The following ADAM23 variants were observed in gnomAD, a reference collection of about 807,000 sequenced individuals.
ADAM23 encodes ADAM metallopeptidase domain 23, also known as disintegrin and metalloproteinase domain-containing protein 23.
ADAM23 carries 33 observed loss-of-function variants against 120.1 expected under a neutral mutation model. That is an observed-to-expected ratio of 0.27 (90% CI 0.21 to 0.37). The LOEUF is 0.37. Among genes scored for constraint, ADAM23 ranks in the 10% least tolerant of loss-of-function variants. The probability of loss-of-function intolerance (pLI) is 1.00; values close to 1 mark genes in which losing one functional copy is unlikely to be tolerated. For synonymous variants in ADAM23, 367 were observed against 375.2 expected, an observed-to-expected ratio of 0.98 and a Z score of 0.25; for missense variants, 862 against 1,058.2, an observed-to-expected ratio of 0.81 and a Z score of 2.57.
intron 13 of ADAM23, among the ~76,000 whole-genome samples, chr2:206,563,117 A>T (rs182933909): frequency 6.6e-6 from 1 of 152,310 alleles, no homozygotes; most frequent in Non-Finnish European, 1.5e-5. Context: ...CATTTTTATG[A>T]CAGTGGGCAA....
rs570210526 is a variant in ADAM23, at chr2:206,561,306, T to C, written c.1254+94T>C. 1.6e-5 allele frequency: 17 copies of C among 1,079,086 alleles called. No individual in the cohort carries two copies. In the South Asian group the frequency reaches 2.2e-4, roughly 14 times the overall value. The allele number at this position is 1,079,086 out of a possible 1,614,324, so 66.8% of individuals were successfully genotyped here. A position where few individuals can be genotyped will look rare whatever the true frequency, so the allele number is the denominator to read the frequency against. Reference sequence around the variant, plus strand: ...CCTTTCTCGTGCTTGTTTAGAATGATGACATGGCAAATGTAGCATGAGTGG... The same window carrying C: ...CCTTTCTCGTGCTTGTTTAGAATGACGACATGGCAAATGTAGCATGAGTGG... On this transcript the variant is annotated intron_variant, in intron 12 of 25. Transcript: ENST00000264377.
intron 2 of ADAM23, among the ~76,000 whole-genome samples, chr2:206,472,350 C>T (rs13424756): frequency 0.085 from 13,000 of 152,142 alleles, 594 homozygotes; most frequent in Middle Eastern, 0.12. Context: ...TGGCTCATGC[C>T]TGTAATCCCA....
chr2:206,564,142 CTCTA>C (rs1337668300), intron 13 of ADAM23, among the ~76,000 whole-genome samples: 1 of 151,934 alleles, frequency 6.6e-6, no homozygotes, highest in East Asian at 1.9e-4. Context: ...ACCTCTCTCT[CTCTA>C]TATAGGTATA....
intron 18 of ADAM23, among the ~76,000 whole-genome samples, chr2:206,579,573 A>T (rs1385503908): frequency 6.6e-6 from 1 of 151,484 alleles, no homozygotes. Flanking sequence ...TGGGTTCTAT[A>T]TGCCATTGGT....
chr2:206,553,358 C>T (rs991032309), intron 9 of ADAM23, among the ~76,000 whole-genome samples: 5 of 152,230 alleles, frequency 3.3e-5, no homozygotes, highest in African/African-American at 1.2e-4. Context: ...ATTGATTGAA[C>T]CCGGGAGGTG....
chr2:206,607,941 G>C, intron 24 of ADAM23: 1 of 395,162 alleles, frequency 2.5e-6, no homozygotes, highest in Non-Finnish European at 4.8e-6. Flanking sequence ...TGAATTATGT[G>C]TTGATTCTAA....
intron 22 of ADAM23, among the ~76,000 whole-genome samples, chr2:206,594,099 A>G (rs1032214506): frequency 6.6e-6 from 1 of 151,974 alleles, no homozygotes; most frequent in Non-Finnish European, 1.5e-5. Context: ...AGACTAGACC[A>G]TCTAGCAGTG....
intron 18 of ADAM23, among the ~76,000 whole-genome samples, chr2:206,579,327 G>T (rs902719191): frequency 2.0e-5 from 3 of 151,978 alleles, no homozygotes; most frequent in East Asian, 3.9e-4. Context: ...TGTCTAGAAG[G>T]GTTTTTCAAT....
intron 5 of ADAM23, among the ~76,000 whole-genome samples, chr2:206,542,430 G>A (rs1435807131): frequency 1.3e-5 from 2 of 152,160 alleles, no homozygotes; most frequent in Non-Finnish European, 2.9e-5. Context: ...GTTTCCCAGC[G>A]GCATATTCCA....
intron 2 of ADAM23, among the ~76,000 whole-genome samples, chr2:206,467,999 C>T (rs892807973): frequency 2.0e-5 from 3 of 152,154 alleles, no homozygotes; most frequent in African/African-American, 4.8e-5. Context: ...AGCTAGAGTG[C>T]CTGGGAAGCA....
Position 206,443,830 on chromosome 2 carries a change from G to A in ADAM23, c.-37G>A. The A allele has an allele frequency of 1.9e-6, 2 of 1,066,088 alleles. No homozygotes were observed. The highest frequency in any genetic ancestry group is 2.3e-6 in the Non-Finnish European group (2 of 882,332). The allele number at this position is 1,066,088 out of a possible 1,614,324, so 66.0% of individuals were successfully genotyped here. A position where few individuals can be genotyped will look rare whatever the true frequency, so the allele number is the denominator to read the frequency against. ...GCCCCGCAGCTAGCCCGGCGCTCTCGCCGGCCACACGGAGCGGCGCCCGGG... is the reference window on the plus strand; with the variant it reads ...GCCCCGCAGCTAGCCCGGCGCTCTCACCGGCCACACGGAGCGGCGCCCGGG... On this transcript the variant is annotated 5_prime_UTR_variant, in exon 1 of 26. Transcript: ENST00000264377.
intron 2 of ADAM23, among the ~76,000 whole-genome samples, chr2:206,459,713 A>G (rs1695374083): frequency 6.6e-6 from 1 of 152,002 alleles, no homozygotes; most frequent in Non-Finnish European, 1.5e-5. Context: ...CCAAAATGGA[A>G]CTCTTGATTG....
At chr2:206,471,125 A>G (rs1466318740) in intron 2 of ADAM23, among the ~76,000 whole-genome samples, 1 of 152,172 alleles carries the variant, frequency 6.6e-6, no homozygotes, top group African/African-American at 2.4e-5. Context: ...TCTGGCCTGG[A>G]CAGGTCTGCT....
At chr2:206,593,497 G>A (rs1447466094) in intron 22 of ADAM23, among the ~76,000 whole-genome samples, 1 of 152,028 alleles carries the variant, frequency 6.6e-6, no homozygotes, top group African/African-American at 2.4e-5. Context: ...TTATCCAAAA[G>A]TAATTTTAGT....
chr2:206,589,173 A>T (rs1324513389), intron 20 of ADAM23, among the ~76,000 whole-genome samples: 1 of 152,190 alleles, frequency 6.6e-6, no homozygotes, highest in East Asian at 1.9e-4. Flanking sequence ...TTTTTGTATT[A>T]GCTTGCAAGA....
chr2:206,612,218 T>G (rs1047505535), intron 25 of ADAM23, among the ~76,000 whole-genome samples: 1 of 152,228 alleles, frequency 6.6e-6, no homozygotes, highest in African/African-American at 2.4e-5. Flanking sequence ...TGGTTTGTGT[T>G]CAGCTTTAAA....
intron 3 of ADAM23, among the ~76,000 whole-genome samples, chr2:206,502,923 C>T (rs1696419517): frequency 6.6e-6 from 1 of 152,142 alleles, no homozygotes; most frequent in African/African-American, 2.4e-5. Flanking sequence ...ACTGCTTCAT[C>T]CCCCAGGGGG....
intron 3 of ADAM23, among the ~76,000 whole-genome samples, chr2:206,491,953 A>G (rs532503576): frequency 3.3e-5 from 5 of 152,306 alleles, no homozygotes; most frequent in Admixed American, 2.6e-4. Flanking sequence ...ATAGATTTCC[A>G]TTGACAGAAG....
intron 15 of ADAM23, among the ~76,000 whole-genome samples, chr2:206,568,025 A>G (rs528071581): frequency 6.6e-6 from 1 of 152,312 alleles, no homozygotes; most frequent in East Asian, 1.9e-4. Flanking sequence ...TCCACCAGGT[A>G]GGTCCCTCCC....
Sources: allele counts gnomAD v4.1 joint callset (sites outside exome capture counted in the v4.1 genomes callset), GRCh38; gene constraint gnomAD v4.1.1; transcripts MANE v1.5; gene names NCBI Gene and HGNC (gene_info 2026-07-23, HGNC 2026-07-21).